KPNB1: variants seen among roughly 807,000 people sequenced by gnomAD.
KPNB1 encodes the protein importin subunit beta-1.
Under a neutral mutation model 113.0 loss-of-function variants are expected in KPNB1, and 7 were observed. The ratio of observed to expected loss-of-function variants is 0.06; its 90% CI spans 0.04 to 0.12. KPNB1 has a LOEUF of 0.12. Ranked by LOEUF, KPNB1 falls within the 10% of genes least tolerant of loss-of-function variation. The pLI, the probability that KPNB1 is intolerant of heterozygous loss-of-function variation, is 1.00. For synonymous variants in KPNB1, 363 were observed against 378.6 expected (o/e 0.96, Z 0.48); for missense variants, 400 against 1,054.8 (o/e 0.38, Z 8.60).
intron 7 of KPNB1, among the ~76,000 whole-genome samples, chr17:47,663,496 T>A (rs1321472465): frequency 1.3e-5 from 2 of 151,982 alleles, no homozygotes; most frequent in Admixed American, 6.6e-5. Flanking sequence ...AAACCCCGTC[T>A]ATACTGAAAA....
At chr17:47,650,467 C>T in intron 2 of KPNB1, 23 bp downstream of exon 2, 7 of 1,590,850 alleles carry the variant, frequency 4.4e-6, no homozygotes, top group Non-Finnish European at 5.1e-6. Context: ...CCGCCGCGCC[C>T]ATCCCGCCGC....
At chr17:47,665,360 A>C (rs1177660177) in intron 9 of KPNB1, among the ~76,000 whole-genome samples, 1 of 152,188 alleles carries the variant, frequency 6.6e-6, no homozygotes, top group Non-Finnish European at 1.5e-5. Flanking sequence ...TTAACATCTC[A>C]GATGCATCTT....
chr17:47,681,686 G>GTTTTT (rs59222945), intron 21 of KPNB1, among the ~76,000 whole-genome samples: 9 of 96,038 alleles, frequency 9.4e-5, no homozygotes, highest in South Asian at 3.8e-4. Context: ...GGAATTATAG[G>GTTTTT]TTTTTTTTTT....
intron 2 of KPNB1, among the ~76,000 whole-genome samples, chr17:47,651,817 T>C (rs1241639659): frequency 6.6e-6 from 1 of 152,200 alleles, no homozygotes; most frequent in Non-Finnish European, 1.5e-5. Context: ...GGTGTGTGTG[T>C]GCTAAATTTT....
rs1451807730 is a variant in KPNB1, at chr17:47,683,731, A to AG, written c.*1327_*1328insG. The AG allele has an allele frequency of 1.9e-3, 1 of 520 alleles. No homozygotes were observed. Among genetic ancestry groups the AG allele is most frequent in the Non-Finnish European group, 0.025 (1 of 40 alleles). 0.0% of individuals were successfully genotyped at this position (520 alleles called of 1,614,324 possible). A position where few individuals can be genotyped will look rare whatever the true frequency, so the allele number is the denominator to read the frequency against. ...CAACCAACAAAACAAAAACAAAAAAAAGTGTGTGTTGTGTGAATACACACA... is the reference window on the plus strand; with the variant it reads ...CAACCAACAAAACAAAAACAAAAAAAGAGTGTGTGTTGTGTGAATACACACA... On this transcript the variant is annotated 3_prime_UTR_variant, in exon 22 of 22. Coordinates refer to ENST00000290158, the MANE Select transcript of KPNB1 (RefSeq NM_002265.6).
intron 14 of KPNB1, 117 bp downstream of exon 14, chr17:47,673,678 C>A: frequency 1.3e-6 from 1 of 786,200 alleles, no homozygotes; most frequent in Non-Finnish European, 2.2e-6. Context: ...GGATCAGAAG[C>A]TGTTCTCAGA....
At chr17:47,656,587 C>T (rs1030956258) in intron 3 of KPNB1, among the ~76,000 whole-genome samples, 20 of 150,156 alleles carry the variant, frequency 1.3e-4, no homozygotes, top group Admixed American at 4.0e-4. Flanking sequence ...TGCCCTGTCT[C>T]AACAAAAGAT....
At chr17:47,678,833 C>T (rs559312110) in intron 19 of KPNB1, among the ~76,000 whole-genome samples, 1 of 152,312 alleles carries the variant, frequency 6.6e-6, no homozygotes, top group South Asian at 2.1e-4. Context: ...GTCTTGAACT[C>T]CTGATCTCAA....
intron 15 of KPNB1, among the ~76,000 whole-genome samples, chr17:47,675,372 G>GTTGTTTTTTT: frequency 1.2e-5 from 1 of 86,094 alleles, no homozygotes; most frequent in South Asian, 3.9e-4. Flanking sequence ...TTTTTTTTTT[G>GTTGTTTTTTT]TTTTTTTTTT....
intron 2 of KPNB1, chr17:47,651,218 G>C: frequency 1.0e-6 from 1 of 985,338 alleles, no homozygotes; most frequent in Non-Finnish European, 1.2e-6. Flanking sequence ...CGGAGAAAAT[G>C]AAGCTAAGTC....
chr17:47,680,190 A>G, intron 20 of KPNB1, 56 bp downstream of exon 20: 1 of 1,223,660 alleles, frequency 8.2e-7, no homozygotes, highest in Non-Finnish European at 1.2e-6. Context: ...AAAATGAGAA[A>G]ACATGGAGTA....
chr17:47,650,141 C>G lies in KPNB1; in HGVS notation c.-104C>G, dbSNP rs1915487339. Reference sequence around the variant, plus strand: ...TGGTGACCCCCGCCCCCCACCCCACCCTCCCTTCCCACCCGACCCCCAACC... The same window carrying G: ...TGGTGACCCCCGCCCCCCACCCCACGCTCCCTTCCCACCCGACCCCCAACC... On this transcript the variant is annotated 5_prime_UTR_variant, in exon 1 of 22. Coordinates refer to ENST00000290158, the MANE Select transcript of KPNB1 (RefSeq NM_002265.6). 1.1e-6 allele frequency: 1 copy of G among 923,096 alleles called. No individual in the cohort carries two copies. 57.2% of individuals were successfully genotyped at this position (923,096 alleles called of 1,614,324 possible).
In KPNB1 at chr17:47,684,433, A is replaced by C. The variant is rs1360527309; in HGVS notation, c.*2029A>C. 2 of 152,174 alleles carry C rather than the reference A, an allele frequency of 1.3e-5. No homozygotes were observed. Among genetic ancestry groups the C allele is most frequent in the African/African-American group, 4.8e-5 (2 of 41,426 alleles). 9.4% of individuals were successfully genotyped at this position (152,174 alleles called of 1,614,324 possible). A position where few individuals can be genotyped will look rare whatever the true frequency, so the allele number is the denominator to read the frequency against. ...TACCAGCTCCTAAGCCCTATTAAGA[A>C]GAGGCCTGGTCCTCTAATGCCTTGT... On this transcript the variant is annotated 3_prime_UTR_variant, in exon 22 of 22. Coordinates refer to ENST00000290158, the MANE Select transcript of KPNB1 (RefSeq NM_002265.6).
Position 47,650,075 on chromosome 17 carries a change from A to T in KPNB1, c.-170A>T, listed in dbSNP as rs545835730. Reference sequence around the variant, plus strand: ...AGTAAGGGAAGAGGAGAGGAAGGGGAGCCGGACCGACTACCCAGACAGAGC... The same window carrying T: ...AGTAAGGGAAGAGGAGAGGAAGGGGTGCCGGACCGACTACCCAGACAGAGC... On this transcript the variant is annotated 5_prime_UTR_variant, in exon 1 of 22. Transcript: ENST00000290158. The T allele has an allele frequency of 3.1e-4, 430 of 1,395,214 alleles. No individual in the cohort carries two copies. In the African/African-American group the frequency reaches 5.8e-3, roughly 19 times the overall value. 86.4% of individuals were successfully genotyped at this position (1,395,214 alleles called of 1,614,324 possible).
intron 2 of KPNB1, chr17:47,651,473 A>T (rs1267878564): frequency 3.2e-5 from 13 of 405,162 alleles, no homozygotes; most frequent in Non-Finnish European, 3.7e-5. Context: ...GGCTTATTTT[A>T]TACAGACTGC....
rs936042846 is a variant in KPNB1, at chr17:47,684,109, A to G, written c.*1705A>G. 6.6e-6 allele frequency: 1 copy of G among 152,210 alleles called. No homozygotes were observed. Among genetic ancestry groups the G allele is most frequent in the African/African-American group, 2.4e-5 (1 of 41,460 alleles). 9.4% of individuals were successfully genotyped at this position (152,210 alleles called of 1,614,324 possible). On this transcript the variant is annotated 3_prime_UTR_variant, in exon 22 of 22. Transcript: ENST00000290158. ...ATTGCTTCCTGGTCCTTAGAGGACT[A>G]AAAACAAGACCCTCATTCCCACTTT...
chr17:47,670,991 C>G (rs1436195288), intron 12 of KPNB1, among the ~76,000 whole-genome samples, 159 bp downstream of exon 12: 1 of 152,240 alleles, frequency 6.6e-6, no homozygotes, highest in Non-Finnish European at 1.5e-5. Flanking sequence ...CGCGGTGGCT[C>G]ACGCCTATAT....
intron 21 of KPNB1, among the ~76,000 whole-genome samples, chr17:47,681,535 G>A (rs1242493493): frequency 5.3e-5 from 8 of 151,086 alleles, no homozygotes; most frequent in Non-Finnish European, 1.2e-4. Flanking sequence ...GCCTCCCAAA[G>A]TACTGGGATT....
chr17:47,673,679 T>C lies in KPNB1; in HGVS notation c.1767+118T>C, dbSNP rs942098378. 9.0e-6 allele frequency: 7 copies of C among 779,920 alleles called. No homozygotes were observed. In the South Asian group the frequency reaches 1.0e-4, roughly 12 times the overall value. 48.3% of individuals were successfully genotyped at this position (779,920 alleles called of 1,614,324 possible). A position where few individuals can be genotyped will look rare whatever the true frequency, so the allele number is the denominator to read the frequency against. On this transcript the variant is annotated intron_variant, in intron 14 of 21. Coordinates refer to ENST00000290158, the MANE Select transcript of KPNB1 (RefSeq NM_002265.6). The stretch of plus-strand genomic sequence containing the variant: ...GGTATAGATGATGCGGATCAGAAGC[T>C]GTTCTCAGAAGGCTTTGGTCTGTGA...
Sources: allele counts gnomAD v4.1 joint callset (sites outside exome capture counted in the v4.1 genomes callset), GRCh38; gene constraint gnomAD v4.1.1; transcripts MANE v1.5; gene names NCBI Gene and HGNC (gene_info 2026-07-23, HGNC 2026-07-21).